Variants in KDM7A observed in about 807,000 individuals in gnomAD.
KDM7A encodes lysine-specific demethylase 7A.
KDM7A carries 28 observed loss-of-function variants against 114.8 expected under a neutral mutation model. The ratio of observed to expected loss-of-function variants is 0.24; its 90% CI spans 0.18 to 0.33. The LOEUF (loss-of-function observed/expected upper bound fraction) is 0.33, where lower values mean the gene tolerates loss of function less well. Among genes scored for constraint, KDM7A ranks in the 10% least tolerant of loss-of-function variants. The pLI, the probability that KDM7A is intolerant of heterozygous loss-of-function variation, is 1.00. For missense variants in KDM7A, 942 were observed against 1,142.5 expected, an observed-to-expected ratio of 0.82 and a Z score of 2.53; for synonymous variants, 423 against 397.8, an observed-to-expected ratio of 1.06 and a Z score of -0.75.
In KDM7A at chr7:140,091,088, G is replaced by A. The variant is rs11762010; in HGVS notation, c.*6C>T. 1 of 1,605,290 alleles carries A rather than the reference G, an allele frequency of 6.2e-7. No homozygotes were observed. The highest frequency in any genetic ancestry group is 8.5e-7 in the Non-Finnish European group (1 of 1,171,788). The stretch of plus-strand genomic sequence containing the variant: ...AAAGGGAAGAATGGCTGCAACAGCA[G>A]CTCTGTCACACAAAGAAACGTGCAT... On this transcript the variant is annotated 3_prime_UTR_variant, in exon 20 of 20. Coordinates refer to ENST00000397560, the MANE Select transcript of KDM7A (RefSeq NM_030647.2).
intron 1 of KDM7A, among the ~76,000 whole-genome samples, chr7:140,151,436 A>G (rs1794398886): frequency 2.0e-5 from 3 of 152,212 alleles, no homozygotes; most frequent in Admixed American, 1.3e-4. Context: ...TCAGGGAGAC[A>G]TTCGCTTGGG....
chr7:140,091,783 C>G lies in KDM7A; in HGVS notation c.2731+21G>C, dbSNP rs775283716. The stretch of plus-strand genomic sequence containing the variant: ...ACATACAGTCAGAAATATACTTTCT[C>G]TATACATGTGTGAAAGTTACCTTTT... On this transcript the variant is annotated intron_variant, in intron 19 of 19. Transcript: ENST00000397560. 5.6e-6 allele frequency: 9 copies of G among 1,609,364 alleles called. No homozygotes were observed. In the African/African-American group the frequency reaches 1.1e-4, roughly 19 times the overall value.
intron 1 of KDM7A, among the ~76,000 whole-genome samples, chr7:140,164,298 C>T (rs1384810488): frequency 6.6e-6 from 1 of 152,140 alleles, no homozygotes; most frequent in Non-Finnish European, 1.5e-5. Context: ...GAAAGAAAAA[C>T]CTATAGATCA....
At chr7:140,110,259 G>A (rs1270999875) in intron 11 of KDM7A, among the ~76,000 whole-genome samples, 2 of 152,032 alleles carry the variant, frequency 1.3e-5, no homozygotes, top group Admixed American at 6.6e-5. Flanking sequence ...ATTTATATAT[G>A]TATAAACTTA....
chr7:140,139,279 T>C, intron 1 of KDM7A, 89 bp from the exon 2 acceptor site: 1 of 808,172 alleles, frequency 1.2e-6, no homozygotes, highest in Non-Finnish European at 2.1e-6. Flanking sequence ...AGCTGAGAAA[T>C]GTACAACCAC....
chr7:140,138,092 C>G (rs1818898464), intron 2 of KDM7A, among the ~76,000 whole-genome samples: 1 of 152,088 alleles, frequency 6.6e-6, no homozygotes, highest in African/African-American at 2.4e-5. Flanking sequence ...TTTTGGGAGT[C>G]TGAGGCAGAG....
At chr7:140,171,583 T>A (rs13237967) in intron 1 of KDM7A, among the ~76,000 whole-genome samples, 448 of 140,230 alleles carry the variant, frequency 3.2e-3, no homozygotes, top group African/African-American at 0.01. Context: ...ATATATATAT[T>A]TTTATATAGT....
intron 12 of KDM7A, among the ~76,000 whole-genome samples, chr7:140,100,697 T>TACAC (rs1818195380): frequency 5.2e-5 from 4 of 77,404 alleles, no homozygotes; most frequent in South Asian, 8.8e-4. Flanking sequence ...TACATATATA[T>TACAC]ATATATATAT....
intron 2 of KDM7A, among the ~76,000 whole-genome samples, chr7:140,137,021 G>A (rs1301931550): frequency 6.6e-6 from 1 of 151,550 alleles, no homozygotes; most frequent in Non-Finnish European, 1.5e-5. Flanking sequence ...AAAAAAAAGA[G>A]AGAAGCTTAA....
chr7:140,108,419 C>G (rs1818377694), intron 11 of KDM7A, among the ~76,000 whole-genome samples: 1 of 152,164 alleles, frequency 6.6e-6, no homozygotes, highest in African/African-American at 2.4e-5. Flanking sequence ...GTGGTTTTAT[C>G]TACCTTTGGT....
Position 140,091,890 on chromosome 7 carries a change from A to G in KDM7A, c.2645T>C (p.Val882Ala), listed in dbSNP as rs1818026345. 6.2e-7 allele frequency: 1 copy of G among 1,613,798 alleles called. No homozygotes were observed. The highest frequency in any genetic ancestry group is 1.7e-5 in the Admixed American group (1 of 59,982). ...SNGSLSPERP[V>A]GETSFSVPLH... ...GGGCACCGAGAAGGAAGTTTCACCA[A>G]CTGGCCTTTCTGGGCTTAGACTGCC... The change falls in exon 19 of 20, where the codon GTT (valine) becomes GCT (alanine). Residue 882 changes from valine to alanine, a missense_variant. Transcript: ENST00000397560.
intron 1 of KDM7A, among the ~76,000 whole-genome samples, chr7:140,142,468 A>C (rs1794294848): frequency 6.6e-6 from 1 of 152,078 alleles, no homozygotes; most frequent in Admixed American, 6.6e-5. Flanking sequence ...TCGGATAGGC[A>C]CATCATAAAA....
intron 3 of KDM7A, 109 bp downstream of exon 3, chr7:140,133,430 A>G (rs192863831): frequency 4.1e-4 from 260 of 635,118 alleles, no homozygotes; most frequent in Middle Eastern, 2.6e-3. Flanking sequence ...GCTGAGGACA[A>G]TAATGGGTTG....
intron 17 of KDM7A, among the ~76,000 whole-genome samples, chr7:140,094,413 G>A (rs569675013): frequency 5.3e-5 from 8 of 152,070 alleles, no homozygotes; most frequent in Non-Finnish European, 1.0e-4. Flanking sequence ...GCCGAGGCAC[G>A]AGAATCACTT....
At chr7:140,139,271 C>G in intron 1 of KDM7A, 81 bp from the exon 2 acceptor site, 2 of 892,748 alleles carry the variant, frequency 2.2e-6, no homozygotes, top group Non-Finnish European at 3.7e-6. Context: ...TGGAATTTAG[C>G]TGAGAAATGT....
At chr7:140,153,071 G>T (rs561372937) in intron 1 of KDM7A, among the ~76,000 whole-genome samples, 6 of 151,804 alleles carry the variant, frequency 4.0e-5, no homozygotes, top group Non-Finnish European at 8.8e-5. Context: ...TGTTGGCCAG[G>T]AAGGTCTCGA....
chr7:140,166,251 C>T (rs1157297441), intron 1 of KDM7A, among the ~76,000 whole-genome samples: 1 of 151,472 alleles, frequency 6.6e-6, no homozygotes, highest in Non-Finnish European at 1.5e-5. Flanking sequence ...ATTCTCTCCA[C>T]AGATGCTGAA....
chr7:140,115,665 G>T lies in KDM7A; in HGVS notation c.1247-2083C>A, dbSNP rs377032161. On this transcript the variant is annotated intron_variant, in intron 9 of 19. Transcript: ENST00000397560. ...AGGGACACAAACACTGCAGAAGGCC[G>T]CAGGGTCCTCTGCCTAGGAAAACCA... Among the ~76,000 whole-genome samples the T allele has an allele frequency of 6.6e-5, 10 of 151,878 alleles. No individual in the cohort carries two copies. In the East Asian group the frequency reaches 1.9e-3, roughly 29 times the overall value.
intron 1 of KDM7A, among the ~76,000 whole-genome samples, chr7:140,146,183 T>C (rs534399880): frequency 6.6e-6 from 1 of 152,300 alleles, no homozygotes; most frequent in East Asian, 1.9e-4. Context: ...TCTGGTAAAC[T>C]AGTACATCTG....
Sources: gnomAD v4.1 joint callset for allele counts (sites outside exome capture counted in the v4.1 genomes callset) on GRCh38, gnomAD v4.1.1 for gene constraint, MANE v1.5 for transcripts, NCBI Gene and HGNC (gene_info 2026-07-23, HGNC 2026-07-21) for gene names.